SORCS1: variants seen among roughly 807,000 people sequenced by gnomAD.
SORCS1 encodes the protein sortilin related VPS10 domain containing receptor 1.
SORCS1 carries 60 observed loss-of-function variants against 146.1 expected under a neutral mutation model. The ratio of observed to expected loss-of-function variants is 0.41; its 90% CI spans 0.33 to 0.51. The LOEUF is 0.51. SORCS1 is among the 20% of genes least tolerant of loss of function. SORCS1 has a pLI of 0.21. For missense variants in SORCS1, 1,352 were observed against 1,487.6 expected, an observed-to-expected ratio of 0.91 and a Z score of 1.50; for synonymous variants, 637 against 584.0, an observed-to-expected ratio of 1.09 and a Z score of -1.31.
intron 17 of SORCS1, chr10:106,667,372 C>T (rs570772323): frequency 3.7e-5 from 9 of 246,342 alleles, no homozygotes; most frequent in Admixed American, 2.0e-4. Context: ...GATACAATGA[C>T]GGTAAAAGGT....
intron 2 of SORCS1, among the ~76,000 whole-genome samples, chr10:106,897,059 T>A (rs1331699079): frequency 6.6e-6 from 1 of 151,328 alleles, no homozygotes; most frequent in Non-Finnish European, 1.5e-5. Context: ...CCCGGCTAAT[T>A]TTTTTGTATT....
At chr10:106,746,861 C>A (rs973153512) in intron 5 of SORCS1, among the ~76,000 whole-genome samples, 3 of 152,170 alleles carry the variant, frequency 2.0e-5, no homozygotes, top group Non-Finnish European at 4.4e-5. Flanking sequence ...TTAGGCATCT[C>A]GCTTTCCTTG....
chr10:107,156,638 T>A (rs1019069789), intron 1 of SORCS1, among the ~76,000 whole-genome samples: 2 of 152,212 alleles, frequency 1.3e-5, no homozygotes, highest in Non-Finnish European at 2.9e-5. Context: ...TCAGTTATAA[T>A]CCTTGAGCAA....
chr10:106,850,440 C>T (rs543285517), intron 2 of SORCS1, among the ~76,000 whole-genome samples: 17 of 152,138 alleles, frequency 1.1e-4, no homozygotes, highest in East Asian at 3.9e-4. Context: ...CGCCCTGCTT[C>T]GGCTCGCACA....
At chr10:106,868,304 C>G (rs1022795262) in intron 2 of SORCS1, among the ~76,000 whole-genome samples, 3 of 152,166 alleles carry the variant, frequency 2.0e-5, no homozygotes, top group African/African-American at 7.2e-5. Flanking sequence ...AGAAAATTAA[C>G]AAGGATATTC....
intron 1 of SORCS1, among the ~76,000 whole-genome samples, chr10:107,068,477 G>T (rs955148054): frequency 6.6e-6 from 1 of 152,140 alleles, no homozygotes; most frequent in African/African-American, 2.4e-5. Context: ...TTTTCTGAAG[G>T]TTAAGTGACC....
intron 2 of SORCS1, among the ~76,000 whole-genome samples, chr10:106,897,954 C>G (rs143277596): frequency 6.6e-6 from 1 of 152,328 alleles, no homozygotes; most frequent in African/African-American, 2.4e-5. Flanking sequence ...GGCCACTGGC[C>G]ATTCCTTCGC....
intron 1 of SORCS1, among the ~76,000 whole-genome samples, chr10:107,017,227 C>T (rs1166384868): frequency 6.6e-6 from 1 of 152,110 alleles, no homozygotes; most frequent in African/African-American, 2.4e-5. Flanking sequence ...TTTGTAGCAA[C>T]TAAAAACTGG....
chr10:106,827,788 A>T (rs574573340), intron 3 of SORCS1, among the ~76,000 whole-genome samples: 36 of 152,352 alleles, frequency 2.4e-4, no homozygotes, highest in African/African-American at 8.2e-4. Context: ...TGTGAGGTTG[A>T]CAGTATTGGT....
intron 9 of SORCS1, among the ~76,000 whole-genome samples, chr10:106,693,839 G>GT (rs1342280765): frequency 1.3e-5 from 2 of 152,116 alleles, no homozygotes; most frequent in African/African-American, 4.8e-5. Flanking sequence ...AAAACCTTTT[G>GT]TAAGTTCCAT....
intron 2 of SORCS1, among the ~76,000 whole-genome samples, chr10:106,834,300 T>A (rs1041260745): frequency 6.6e-6 from 1 of 152,224 alleles, no homozygotes; most frequent in Non-Finnish European, 1.5e-5. Context: ...CTATCATCCC[T>A]AGGTATGGGA....
intron 1 of SORCS1, among the ~76,000 whole-genome samples, chr10:107,024,254 C>CA (rs1247479805): frequency 6.6e-6 from 1 of 151,658 alleles, no homozygotes; most frequent in African/African-American, 2.4e-5. Flanking sequence ...ATGGCACCAG[C>CA]ACCTTCTTCT....
intron 4 of SORCS1, among the ~76,000 whole-genome samples, chr10:106,769,602 C>T (rs1486434055): frequency 6.6e-6 from 1 of 151,406 alleles, no homozygotes; most frequent in East Asian, 1.9e-4. Context: ...ACTTTAAAAA[C>T]ATTGCAGGAC....
At chr10:106,701,511 A>C (rs539517919) in intron 8 of SORCS1, among the ~76,000 whole-genome samples, 1 of 152,304 alleles carries the variant, frequency 6.6e-6, no homozygotes, top group South Asian at 2.1e-4. Context: ...AAGCAGTAAG[A>C]ATAAAAAAGA....
At chr10:106,789,881 G>A (rs1221883064) in intron 3 of SORCS1, among the ~76,000 whole-genome samples, 1 of 152,202 alleles carries the variant, frequency 6.6e-6, no homozygotes, top group Non-Finnish European at 1.5e-5. Context: ...AGTTCTGCGT[G>A]GCTGGGGAGG....
chr10:106,813,485 A>G (rs1236543249), intron 3 of SORCS1, among the ~76,000 whole-genome samples: 2 of 152,178 alleles, frequency 1.3e-5, no homozygotes, highest in African/African-American at 4.8e-5. Flanking sequence ...AGAAACCCAG[A>G]GTAAACGAAT....
intron 21 of SORCS1, among the ~76,000 whole-genome samples, chr10:106,615,942 T>C (rs1847330998): frequency 6.6e-6 from 1 of 152,152 alleles, no homozygotes; most frequent in South Asian, 2.1e-4. Flanking sequence ...TGTTTTCTCA[T>C]CCGTAAAATG....
At chr10:106,683,340 C>T (rs1852585708) in intron 10 of SORCS1, among the ~76,000 whole-genome samples, 1 of 152,182 alleles carries the variant, frequency 6.6e-6, no homozygotes, top group African/African-American at 2.4e-5. Context: ...CTCCCTATTT[C>T]CCCCAACTTC....
chr10:106,731,840 G>A (rs1198995150), intron 5 of SORCS1, among the ~76,000 whole-genome samples: 1 of 151,990 alleles, frequency 6.6e-6, no homozygotes, highest in Non-Finnish European at 1.5e-5. Flanking sequence ...ACAGTCAAAT[G>A]TGAAATGAAA....
Sources: allele counts gnomAD v4.1 joint callset (sites outside exome capture counted in the v4.1 genomes callset), GRCh38; gene constraint gnomAD v4.1.1; transcripts MANE v1.5; gene names NCBI Gene and HGNC (gene_info 2026-07-23, HGNC 2026-07-21).